The following UBE2H variants were observed in gnomAD, a reference collection of about 807,000 sequenced individuals.
UBE2H encodes the protein ubiquitin conjugating enzyme E2 H.
Under a neutral mutation model 29.0 loss-of-function variants are expected in UBE2H, and 3 were observed. That is an observed-to-expected ratio of 0.10 (90% CI 0.05 to 0.27). UBE2H has a LOEUF of 0.27. Among genes scored for constraint, UBE2H ranks in the 10% least tolerant of loss-of-function variants. UBE2H has a pLI of 1.00. For synonymous variants in UBE2H, 69 were observed against 82.9 expected (o/e 0.83, Z 0.91); for missense variants, 68 against 228.2 (o/e 0.30, Z 4.52).
intron 6 of UBE2H, among the ~76,000 whole-genome samples, chr7:129,838,073 G>C (rs1805363379): frequency 6.6e-6 from 1 of 152,160 alleles, no homozygotes; most frequent in South Asian, 2.1e-4. Flanking sequence ...TCTCATAACA[G>C]CACTTTATCT....
chr7:129,834,797 A>AATAT lies in UBE2H; in HGVS notation c.*136_*139dup. On this transcript the variant is annotated 3_prime_UTR_variant, in exon 7 of 7. Coordinates refer to ENST00000355621, the MANE Select transcript of UBE2H (RefSeq NM_003344.4). The stretch of plus-strand genomic sequence containing the variant: ...AATCAAGATCTAAAGGGTGATATAT[A>AATAT]ATATATATATATCAATGCTATTATT... The AATAT allele has an allele frequency of 1.1e-6, 1 of 921,058 alleles. No individual in the cohort carries two copies. The highest frequency in any genetic ancestry group is 1.6e-6 in the Non-Finnish European group (1 of 641,872). The allele number at this position is 921,058 out of a possible 1,614,324, so 57.1% of individuals were successfully genotyped here. A position where few individuals can be genotyped will look rare whatever the true frequency, so the allele number is the denominator to read the frequency against.
intron 5 of UBE2H, chr7:129,839,636 A>AC (rs1805390743): frequency 1.3e-5 from 4 of 303,354 alleles, no homozygotes; most frequent in South Asian, 1.2e-4. Flanking sequence ...TCTACAGCTT[A>AC]CAAAACCCCC....
At chr7:129,860,205 G>A (rs1805774978) in intron 3 of UBE2H, among the ~76,000 whole-genome samples, 1 of 152,120 alleles carries the variant, frequency 6.6e-6, no homozygotes, top group Non-Finnish European at 1.5e-5. Context: ...CCAAGTCCAA[G>A]TAGTCCAGTC....
At position 129,831,056 on chromosome 7, in the gene UBE2H, G is replaced by A. The variant is rs1469431917; in HGVS notation, c.*3881C>T. 6.6e-6 allele frequency: 1 copy of A among 152,020 alleles called. No homozygotes were observed. The highest frequency in any genetic ancestry group is 1.5e-5 in the Non-Finnish European group (1 of 68,026). The allele number at this position is 152,020 out of a possible 1,614,324, so 9.4% of individuals were successfully genotyped here. Reference sequence around the variant, plus strand: ...GTGTTAGGCTAAATTCAGAGCCCTGGCTCTTCCTCAGATGAGTGGAAAACC... The same window carrying A: ...GTGTTAGGCTAAATTCAGAGCCCTGACTCTTCCTCAGATGAGTGGAAAACC... On this transcript the variant is annotated 3_prime_UTR_variant, in exon 7 of 7. Coordinates refer to ENST00000355621, the MANE Select transcript of UBE2H (RefSeq NM_003344.4).
intron 1 of UBE2H, among the ~76,000 whole-genome samples, chr7:129,930,909 CAAAAAAAAAA>C (rs71175050): frequency 8.7e-5 from 3 of 34,288 alleles, no homozygotes; most frequent in African/African-American, 2.3e-4. Context: ...CCCCGTCTCA[CAAAAAAAAAA>C]AAAAAAAAAA....
chr7:129,919,125 C>A (rs1221409497), intron 1 of UBE2H, among the ~76,000 whole-genome samples: 54 of 125,890 alleles, frequency 4.3e-4, no homozygotes, highest in Middle Eastern at 4.4e-3. Context: ...AAAAAAAGCA[C>A]CAAAAAACAA....
chr7:129,846,179 G>A (rs1461718472), intron 5 of UBE2H, among the ~76,000 whole-genome samples: 1 of 152,038 alleles, frequency 6.6e-6, no homozygotes. Context: ...GTGACCACAA[G>A]TTATTTCTTT....
At chr7:129,944,829 A>G (rs1807730483) in intron 1 of UBE2H, among the ~76,000 whole-genome samples, 1 of 152,214 alleles carries the variant, frequency 6.6e-6, no homozygotes, top group African/African-American at 2.4e-5. Context: ...ATATCCATAC[A>G]ATGTTCATAG....
At position 129,933,393 on chromosome 7, in the gene UBE2H, C is replaced by T. The variant is rs1273768938; in HGVS notation, c.53+19110G>A. 2.6e-5 allele frequency among the ~76,000 whole-genome samples: 4 copies of T among 152,156 alleles called. No homozygotes were observed. The East Asian group carries it at 5.8e-4, about 22-fold the overall frequency. Reference sequence around the variant, plus strand: ...ACTTATAAAACAGGGTACTAAAAAGCTCCATAATTTGGATGAGTTTAAGGT... The same window carrying T: ...ACTTATAAAACAGGGTACTAAAAAGTTCCATAATTTGGATGAGTTTAAGGT... On this transcript the variant is annotated intron_variant, in intron 1 of 6. Coordinates refer to ENST00000355621, the MANE Select transcript of UBE2H (RefSeq NM_003344.4).
intron 5 of UBE2H, among the ~76,000 whole-genome samples, chr7:129,847,589 C>T (rs1805535190): frequency 6.6e-6 from 1 of 152,120 alleles, no homozygotes; most frequent in Admixed American, 6.5e-5. Context: ...TGATCCTCTT[C>T]GCCTTGGCCT....
At chr7:129,867,075 A>G (rs1805918665) in intron 3 of UBE2H, among the ~76,000 whole-genome samples, 1 of 152,248 alleles carries the variant, frequency 6.6e-6, no homozygotes, top group South Asian at 2.1e-4. Context: ...TGTGAAGAAC[A>G]TGAGAGGATA....
intron 1 of UBE2H, among the ~76,000 whole-genome samples, chr7:129,934,909 A>G (rs1807490011): frequency 7.1e-6 from 1 of 141,836 alleles, no homozygotes. Flanking sequence ...AAGTATATAT[A>G]TGTGTGTGTG....
chr7:129,924,304 T>C (rs945760398), intron 1 of UBE2H, among the ~76,000 whole-genome samples: 9 of 152,226 alleles, frequency 5.9e-5, no homozygotes, highest in African/African-American at 2.2e-4. Flanking sequence ...TCATTACTAA[T>C]GGCGTAAGAC....
intron 3 of UBE2H, among the ~76,000 whole-genome samples, chr7:129,866,313 T>C (rs918342549): frequency 5.9e-5 from 9 of 152,212 alleles, no homozygotes; most frequent in Admixed American, 2.6e-4. Context: ...TAAGAAAAGG[T>C]CATTTATAAC....
At chr7:129,880,446 C>T (rs1444833365) in intron 2 of UBE2H, among the ~76,000 whole-genome samples, 2 of 152,116 alleles carry the variant, frequency 1.3e-5, no homozygotes, top group Admixed American at 6.6e-5. Flanking sequence ...GTGGAGGTTA[C>T]GGTAAGCCAC....
chr7:129,951,868 T>C (rs941501848), intron 1 of UBE2H, among the ~76,000 whole-genome samples: 4 of 152,024 alleles, frequency 2.6e-5, no homozygotes, highest in Non-Finnish European at 5.9e-5. Flanking sequence ...GGGACAGGCT[T>C]TGTCAGTGGA....
rs1381565630 is a variant in UBE2H at position 129,834,090 on chromosome 7, C to G, written c.*847G>C. On this transcript the variant is annotated 3_prime_UTR_variant, in exon 7 of 7. Transcript: ENST00000355621. ...TTAAGTTCAGGGTAGCGGTCTCAAA[C>G]TGCCAAACACTAGGATGAGGATGTG... The G allele has an allele frequency of 6.6e-6, 1 of 152,232 alleles. No individual in the cohort carries two copies. The highest frequency in any genetic ancestry group is 1.5e-5 in the Non-Finnish European group (1 of 68,074). The allele number at this position is 152,232 out of a possible 1,614,324, so 9.4% of individuals were successfully genotyped here. A position where few individuals can be genotyped will look rare whatever the true frequency, so the allele number is the denominator to read the frequency against.
At chr7:129,924,616 T>TCTCACACACACACA (rs1554439772) in intron 1 of UBE2H, among the ~76,000 whole-genome samples, 3 of 143,924 alleles carry the variant, frequency 2.1e-5, no homozygotes, top group Non-Finnish European at 4.6e-5. Flanking sequence ...CCTTTTACAT[T>TCTCACACACACACA]CACACACACA....
chr7:129,940,988 T>C (rs1563053577), intron 1 of UBE2H, among the ~76,000 whole-genome samples: 1 of 152,234 alleles, frequency 6.6e-6, no homozygotes, highest in Non-Finnish European at 1.5e-5. Flanking sequence ...GGAGTCACAG[T>C]CTGTTGCCCA....
Sources: gnomAD v4.1 joint callset for allele counts (sites outside exome capture counted in the v4.1 genomes callset) on GRCh38, gnomAD v4.1.1 for gene constraint, MANE v1.5 for transcripts, NCBI Gene and HGNC (gene_info 2026-07-23, HGNC 2026-07-21) for gene names.